NKAIN3: variants seen among roughly 807,000 people sequenced by gnomAD.
NKAIN3 encodes sodium/potassium transporting ATPase interacting 3, also known as sodium/potassium-transporting ATPase subunit beta-1-interacting protein 3.
Under a neutral mutation model 30.2 loss-of-function variants are expected in NKAIN3, and 25 were observed. The ratio of observed to expected loss-of-function variants is 0.83; its 90% CI spans 0.60 to 1.16. The LOEUF is 1.16. Among genes scored for constraint, NKAIN3 ranks in the 50% most tolerant of loss-of-function variants. The probability of loss-of-function intolerance (pLI) is 0.00; values close to 1 mark genes in which losing one functional copy is unlikely to be tolerated. For synonymous variants in NKAIN3, 91 were observed against 89.6 expected, an observed-to-expected ratio of 1.02 and a Z score of -0.09; for missense variants, 225 against 254.1, an observed-to-expected ratio of 0.89 and a Z score of 0.78.
chr8:62,459,048 G>C (rs907221675), intron 1 of NKAIN3, among the ~76,000 whole-genome samples: 2 of 120,004 alleles, frequency 1.7e-5, no homozygotes, highest in African/African-American at 6.3e-5. Context: ...GTTTATGTGT[G>C]TGTTGTCAGA....
At chr8:62,502,405 C>G (rs1003960980) in intron 1 of NKAIN3, among the ~76,000 whole-genome samples, 35 of 152,134 alleles carry the variant, frequency 2.3e-4, no homozygotes, top group African/African-American at 8.2e-4. Flanking sequence ...TAGTGAATAT[C>G]CTATTGCAAA....
chr8:62,988,822 T>C (rs1229398111), downstream of NKAIN3, among the ~76,000 whole-genome samples: 1 of 152,232 alleles, frequency 6.6e-6, no homozygotes, highest in Admixed American at 6.5e-5. Context: ...TTCAATTTCT[T>C]CCCAGAAAAT....
intron 1 of NKAIN3, among the ~76,000 whole-genome samples, chr8:62,292,199 T>C (rs1428588136): frequency 6.6e-6 from 1 of 152,166 alleles, no homozygotes; most frequent in Admixed American, 6.5e-5. Flanking sequence ...AATTTGCCAG[T>C]CTGTGTCTTT....
At position 62,950,221 on chromosome 8, in the gene NKAIN3, A is replaced by T. The variant is rs544481738; in HGVS notation, c.533-3681A>T. Among the ~76,000 whole-genome samples, 35 of 152,248 alleles carry T rather than the reference A, an allele frequency of 2.3e-4. No individual in the cohort carries two copies. In the South Asian group the frequency reaches 2.9e-3, roughly 13 times the overall value. ...TTTTTAAAGCACTTGATGTCATTTTAAAAAAGCTTTAAGAATCTGTAAACT... is the reference window on the plus strand; with the variant it reads ...TTTTTAAAGCACTTGATGTCATTTTTAAAAAGCTTTAAGAATCTGTAAACT... On this transcript the variant is annotated intron_variant, in intron 5 of 6. Coordinates refer to ENST00000623646, the MANE Select transcript of NKAIN3 (RefSeq NM_001304533.3).
intron 4 of NKAIN3, among the ~76,000 whole-genome samples, chr8:62,747,487 G>C (rs1816117682): frequency 6.6e-6 from 1 of 152,142 alleles, no homozygotes; most frequent in African/African-American, 2.4e-5. Flanking sequence ...TCCAGAGAAA[G>C]AAGGATGGAA....
In NKAIN3 at chr8:62,761,132, C is replaced by T. The variant is rs541186632; in HGVS notation, c.471+14003C>T. ...CACCTTGCCTTGGACATAACAGGCT[C>T]ACAGTGTATACTGCATAATTACTAG... On this transcript the variant is annotated intron_variant, in intron 4 of 6. Coordinates refer to ENST00000623646, the MANE Select transcript of NKAIN3 (RefSeq NM_001304533.3). Among the ~76,000 whole-genome samples, 12 of 152,150 alleles carry T rather than the reference C, an allele frequency of 7.9e-5. No homozygotes were observed. In the South Asian group the frequency reaches 2.5e-3, roughly 32 times the overall value.
At chr8:62,531,427 C>T (rs908912532) in intron 1 of NKAIN3, among the ~76,000 whole-genome samples, 1 of 152,176 alleles carries the variant, frequency 6.6e-6, no homozygotes, top group Non-Finnish European at 1.5e-5. Context: ...TAGCCATTCC[C>T]TTTATTCTTA....
intron 4 of NKAIN3, among the ~76,000 whole-genome samples, chr8:62,770,210 G>A (rs535927541): frequency 6.6e-6 from 1 of 152,218 alleles, no homozygotes; most frequent in African/African-American, 2.4e-5. Flanking sequence ...GTGACTGCAT[G>A]CCTAGGCAAG....
At chr8:62,790,976 G>T (rs763010709) in intron 4 of NKAIN3, among the ~76,000 whole-genome samples, 1 of 151,994 alleles carries the variant, frequency 6.6e-6, no homozygotes, top group East Asian at 1.9e-4. Flanking sequence ...CACCTTCTCC[G>T]TAGTAATTGT....
At position 62,744,784 on chromosome 8, in the gene NKAIN3, C is replaced by T. The variant is rs147583211; in HGVS notation, c.274-2148C>T. Among the ~76,000 whole-genome samples the T allele has an allele frequency of 2.9e-3, 438 of 152,132 alleles. 3 individuals carry two copies. The highest frequency in any genetic ancestry group is 1.0e-2 in the African/African-American group (414 of 41,480). On this transcript the variant is annotated intron_variant, in intron 3 of 6. Coordinates refer to ENST00000623646, the MANE Select transcript of NKAIN3 (RefSeq NM_001304533.3). ...ATATTTTCCCTTCAGAGAGTAACTG[C>T]AAATGATACAAGTAGCAAACCAACA...
intron 5 of NKAIN3, among the ~76,000 whole-genome samples, chr8:62,946,174 G>A (rs1009072688): frequency 6.6e-6 from 1 of 152,124 alleles, no homozygotes; most frequent in Non-Finnish European, 1.5e-5. Flanking sequence ...TGGCACTTGG[G>A]CATCATCTCC....
intron 5 of NKAIN3, among the ~76,000 whole-genome samples, chr8:62,933,267 A>G (rs1193936450): frequency 6.6e-6 from 1 of 152,212 alleles, no homozygotes; most frequent in East Asian, 1.9e-4. Flanking sequence ...AAAAGTAATA[A>G]TAGGAGCTAT....
intron 1 of NKAIN3, among the ~76,000 whole-genome samples, chr8:62,339,403 G>A (rs1466721051): frequency 6.6e-6 from 1 of 152,060 alleles, no homozygotes; most frequent in Non-Finnish European, 1.5e-5. Context: ...GCTGCTTGGA[G>A]ATTGAACCAG....
intron 4 of NKAIN3, among the ~76,000 whole-genome samples, chr8:62,820,753 A>T (rs745399567): frequency 6.6e-6 from 1 of 152,120 alleles, no homozygotes; most frequent in Non-Finnish European, 1.5e-5. Flanking sequence ...AACTTCTTGG[A>T]GTAAGTGAGA....
At position 62,976,449 on chromosome 8, in the gene NKAIN3, T is replaced by G. The variant is rs571398564; in HGVS notation, c.*11042T>G. ...TTTACTATTATGTAATGGCCTTCTG[T>G]GTCTGTTTTGATTTTTGTTGGCTTA... is the stretch of plus-strand genomic sequence containing the variant. On this transcript the variant is annotated 3_prime_UTR_variant, in exon 7 of 7. Transcript: ENST00000623646. Among the ~76,000 whole-genome samples the G allele has an allele frequency of 2.0e-5, 3 of 152,300 alleles. No individual in the cohort carries two copies. The South Asian group carries it at 6.2e-4, about 32-fold the overall frequency.
At chr8:62,707,231 T>C (rs954901705) in intron 3 of NKAIN3, among the ~76,000 whole-genome samples, 1 of 152,176 alleles carries the variant, frequency 6.6e-6, no homozygotes, top group African/African-American at 2.4e-5. Flanking sequence ...TGTTTTCCTC[T>C]GTGTACATAC....
intron 3 of NKAIN3, among the ~76,000 whole-genome samples, chr8:62,651,084 G>T (rs1377272349): frequency 2.0e-5 from 3 of 150,502 alleles, no homozygotes; most frequent in African/African-American, 4.9e-5. Context: ...CTTCACTTGA[G>T]TATAATTTTT....
At chr8:62,367,688 A>G (rs1424569292) in intron 1 of NKAIN3, among the ~76,000 whole-genome samples, 1 of 152,158 alleles carries the variant, frequency 6.6e-6, no homozygotes, top group Admixed American at 6.6e-5. Context: ...CAAAGCAAGG[A>G]TACCCACTCT....
At chr8:62,566,832 A>G (rs1809768509) in intron 1 of NKAIN3, among the ~76,000 whole-genome samples, 1 of 152,166 alleles carries the variant, frequency 6.6e-6, no homozygotes, top group Admixed American at 6.6e-5. Context: ...TTGATCATTA[A>G]GTATCACTAG....
Sources: gnomAD v4.1 joint callset for allele counts (sites outside exome capture counted in the v4.1 genomes callset) on GRCh38, gnomAD v4.1.1 for gene constraint, MANE v1.5 for transcripts, NCBI Gene and HGNC (gene_info 2026-07-23, HGNC 2026-07-21) for gene names.